The following GDAP1 variants were observed in gnomAD, a reference collection of about 807,000 sequenced individuals.
GDAP1 encodes ganglioside induced differentiation associated protein 1.
GDAP1 carries 34 observed loss-of-function variants against 40.1 expected under a neutral mutation model. The observed-to-expected ratio is 0.85, with a 90% CI of 0.64 to 1.13. GDAP1 has a LOEUF of 1.13. Among genes scored for constraint, GDAP1 ranks in the 50% most tolerant of loss-of-function variants. The pLI is 0.00. For synonymous variants in GDAP1, 170 were observed against 157.4 expected, an observed-to-expected ratio of 1.08 and a Z score of -0.60; for missense variants, 374 against 433.7, an observed-to-expected ratio of 0.86 and a Z score of 1.22.
intron 2 of GDAP1, among the ~76,000 whole-genome samples, chr8:74,468,478 TACACACACACACACACACAC>T (rs71271804): frequency 1.5e-3 from 212 of 139,204 alleles, no homozygotes; most frequent in African/African-American, 5.5e-3. Context: ...AATGACCCCA[TACACACACACACACACACAC>T]ACACACACAC....
chr8:74,464,574 G>A (rs922372925), intron 2 of GDAP1, among the ~76,000 whole-genome samples: 10 of 152,182 alleles, frequency 6.6e-5, no homozygotes, highest in Non-Finnish European at 8.8e-5. Flanking sequence ...TTGTCCCTGC[G>A]TCCATCTAGA....
intron 2 of GDAP1, among the ~76,000 whole-genome samples, chr8:74,437,244 A>G (rs530041809): frequency 1.3e-5 from 2 of 152,198 alleles, no homozygotes; most frequent in Admixed American, 6.5e-5. Flanking sequence ...GATCTTAGAG[A>G]TTACCTGGTT....
chr8:74,424,355 T>C (rs944897114), intron 2 of GDAP1, among the ~76,000 whole-genome samples: 1 of 152,146 alleles, frequency 6.6e-6, no homozygotes, highest in Non-Finnish European at 1.5e-5. Context: ...TGATTGTATA[T>C]ACCTCCGTGG....
At chr8:74,362,840 A>T in intron 4 of GDAP1, 99 bp from the exon 5 acceptor site, 1 of 505,556 alleles carries the variant, frequency 2.0e-6, no homozygotes, top group Non-Finnish European at 3.6e-6. Flanking sequence ...TGTCTAAAAT[A>T]GGCTGAACTC....
intron 2 of GDAP1, among the ~76,000 whole-genome samples, chr8:74,393,373 T>TGTTTTCCTCTTCTTTTG (rs1810141377): frequency 6.6e-6 from 1 of 152,164 alleles, no homozygotes; most frequent in African/African-American, 2.4e-5. Context: ...CTGGGTGAGC[T>TGTTTTCCTCTTCTTTTG]CAGTAAGTTT....
At chr8:74,422,346 TTTCTTCCCTTCCTTCCTTCC>T (rs1396253473) in intron 2 of GDAP1, among the ~76,000 whole-genome samples, 578 of 49,412 alleles carry the variant, frequency 0.012, 14 homozygotes, top group African/African-American at 0.031. Flanking sequence ...TCTTTCTTTC[TTTCTTCCCTTCCTTCCTTCC>T]TTCCTTCCTT....
chr8:74,390,890 G>T (rs1331503808), intron 2 of GDAP1, among the ~76,000 whole-genome samples: 1 of 152,196 alleles, frequency 6.6e-6, no homozygotes, highest in Admixed American at 6.5e-5. Context: ...CCAGAGAGGA[G>T]GAATCTAGAG....
chr8:74,428,471 T>G (rs955887372), intron 2 of GDAP1, among the ~76,000 whole-genome samples: 3 of 148,624 alleles, frequency 2.0e-5, no homozygotes, highest in Non-Finnish European at 3.0e-5. Flanking sequence ...ATTGTTTTGT[T>G]TTTTTTTTTT....
At chr8:74,368,650 A>G (rs1371482379), downstream of GDAP1, among the ~76,000 whole-genome samples, 1 of 152,206 alleles carries the variant, frequency 6.6e-6, no homozygotes, top group Non-Finnish European at 1.5e-5. Context: ...AGTGCTGAAA[A>G]TCACTGGAGG....
intron 2 of GDAP1, among the ~76,000 whole-genome samples, chr8:74,405,890 A>G (rs1805631107): frequency 6.7e-6 from 1 of 149,886 alleles, no homozygotes; most frequent in Admixed American, 6.6e-5. Flanking sequence ...CATCGAGACC[A>G]TGAAGGGGAG....
intron 2 of GDAP1, among the ~76,000 whole-genome samples, chr8:74,476,537 A>G (rs1806631686): frequency 6.6e-6 from 1 of 152,170 alleles, no homozygotes; most frequent in African/African-American, 2.4e-5. Context: ...TCCTTTGCTT[A>G]TGAAGCTTAG....
chr8:74,358,699 A>AT (rs1194087095), intron 2 of GDAP1, among the ~76,000 whole-genome samples: 1 of 152,156 alleles, frequency 6.6e-6, no homozygotes, highest in Non-Finnish European at 1.5e-5. Context: ...ATCTTTGTAG[A>AT]TCCCCCAAAC....
In GDAP1 at chr8:74,400,438, A is replaced by G. The variant is rs570488927; in HGVS notation, c.165+49117A>G. The stretch of plus-strand genomic sequence containing the variant: ...TCCTCCATCCTTTTATTTTGAGTCT[A>G]TGTGTGTCTCTGCACGTGAGATGGG... On this transcript the variant is annotated intron_variant, in intron 2 of 2. Coordinates refer to the GDAP1 transcript ENST00000523640. Among the ~76,000 whole-genome samples the G allele has an allele frequency of 2.0e-5, 3 of 149,044 alleles. 1 individual carries two copies. Among genetic ancestry groups the G allele is most frequent in the African/African-American group, 7.7e-5 (3 of 38,750 alleles).
intron 2 of GDAP1, among the ~76,000 whole-genome samples, chr8:74,377,680 A>T (rs1809880655): frequency 6.6e-6 from 1 of 152,246 alleles, no homozygotes; most frequent in African/African-American, 2.4e-5. Flanking sequence ...CTTAAAGAAG[A>T]TAAATTCACA....
intron 2 of GDAP1, among the ~76,000 whole-genome samples, chr8:74,430,617 G>A (rs1347756168): frequency 6.6e-6 from 1 of 152,124 alleles, no homozygotes; most frequent in Non-Finnish European, 1.5e-5. Flanking sequence ...CATAAAAAGG[G>A]AGAGAGAAAG....
chr8:74,400,328 C>T, intron 2 of GDAP1, among the ~76,000 whole-genome samples: 1 of 149,766 alleles, frequency 6.7e-6, no homozygotes, highest in East Asian at 1.9e-4. Context: ...CTCTTTCGAT[C>T]TTTGTTGGAT....
chr8:74,377,116 TAAAG>T (rs1280748097), intron 2 of GDAP1, among the ~76,000 whole-genome samples: 1 of 151,946 alleles, frequency 6.6e-6, no homozygotes, highest in Admixed American at 6.6e-5. Flanking sequence ...TAGAAGAAAA[TAAAG>T]AAAACATTTA....
At chr8:74,400,316 G>C (rs1330758364) in intron 2 of GDAP1, among the ~76,000 whole-genome samples, 1 of 149,770 alleles carries the variant, frequency 6.7e-6, no homozygotes, top group Non-Finnish European at 1.5e-5. Context: ...GGCCTTCTTT[G>C]TCTCTTTCGA....
At chr8:74,460,210 A>G (rs1013758988) in intron 2 of GDAP1, among the ~76,000 whole-genome samples, 2 of 152,252 alleles carry the variant, frequency 1.3e-5, no homozygotes, top group Admixed American at 6.5e-5. Flanking sequence ...TATGATCTCC[A>G]TTAAAAGGAA....
Sources: allele counts gnomAD v4.1 joint callset (sites outside exome capture counted in the v4.1 genomes callset), GRCh38; gene constraint gnomAD v4.1.1; transcripts MANE v1.5; gene names NCBI Gene and HGNC (gene_info 2026-07-23, HGNC 2026-07-21).